The following STAP1 variants were observed in gnomAD, a reference collection of about 807,000 sequenced individuals.
The protein encoded by STAP1 is signal-transducing adaptor protein 1.
Under a neutral mutation model 37.8 loss-of-function variants are expected in STAP1, and 30 were observed. That is an observed-to-expected ratio of 0.79 (90% CI 0.59 to 1.08). The LOEUF is 1.08. STAP1 is among the 50% of genes least tolerant of loss of function. The probability of loss-of-function intolerance (pLI) is 0.00; values close to 1 mark genes in which losing one functional copy is unlikely to be tolerated. For missense variants in STAP1, 357 were observed against 349.4 expected (o/e 1.02, Z -0.17); for synonymous variants, 130 against 116.0 (o/e 1.12, Z -0.78).
intron 5 of STAP1, 50 bp from the exon 6 acceptor site, chr4:67,583,524 A>T (rs1314791934): frequency 1.3e-6 from 2 of 1,535,278 alleles, no homozygotes; most frequent in Non-Finnish European, 1.8e-6. Flanking sequence ...TCAAGTAATG[A>T]TCTTCATCAG....
intron 1 of STAP1, among the ~76,000 whole-genome samples, chr4:67,561,879 C>T (rs150514756): frequency 4.6e-5 from 7 of 151,940 alleles, no homozygotes; most frequent in African/African-American, 1.4e-4. Context: ...GGAGACCAAC[C>T]TGTTCAACAT....
intron 4 of STAP1, among the ~76,000 whole-genome samples, chr4:67,580,584 G>C (rs3775868): frequency 0.096 from 14,610 of 152,158 alleles, 1,023 homozygotes; most frequent in African/African-American, 0.19. Context: ...ATAAAGACTT[G>C]CTAGGGTCAC....
chr4:67,563,886 A>G (rs1727406831), intron 1 of STAP1, among the ~76,000 whole-genome samples: 2 of 152,076 alleles, frequency 1.3e-5, no homozygotes, highest in East Asian at 1.9e-4. Flanking sequence ...ATAAATTCAG[A>G]AGTCTTATTT....
chr4:67,559,609 A>G (rs1162352763), intron 1 of STAP1, among the ~76,000 whole-genome samples: 3 of 152,112 alleles, frequency 2.0e-5, no homozygotes, highest in Non-Finnish European at 2.9e-5. Context: ...AGTTAAAATC[A>G]TTACTTTTAA....
chr4:67,577,159 G>A, intron 3 of STAP1, 44 bp from the exon 4 acceptor site: 1 of 1,539,908 alleles, frequency 6.5e-7, no homozygotes, highest in Non-Finnish European at 8.8e-7. Flanking sequence ...AATCACTCAT[G>A]TATTTCCTTC....
chr4:67,567,796 C>T (rs1009554899), intron 1 of STAP1, among the ~76,000 whole-genome samples: 4 of 152,184 alleles, frequency 2.6e-5, no homozygotes, highest in African/African-American at 7.2e-5. Flanking sequence ...TCCCTCCCTT[C>T]CCAGTCATTC....
At chr4:67,569,910 A>C (rs1727562019) in intron 1 of STAP1, among the ~76,000 whole-genome samples, 1 of 152,032 alleles carries the variant, frequency 6.6e-6, no homozygotes, top group Admixed American at 6.6e-5. Flanking sequence ...TTGTATTTTT[A>C]GGTAGAGATG....
At chr4:67,597,952 T>C (rs1728260250) in intron 8 of STAP1, among the ~76,000 whole-genome samples, 1 of 152,188 alleles carries the variant, frequency 6.6e-6, no homozygotes, top group Non-Finnish European at 1.5e-5. Context: ...GAGGGACTGT[T>C]GGGAAGGCAT....
At position 67,581,440 on chromosome 4, in the gene STAP1, G is replaced by A; in HGVS notation, c.499G>A (p.Asp167Asn). Residue 167 changes from aspartate to asparagine, a missense_variant, in exon 5 of 9, where the codon GAT becomes AAT. Physicochemically the swap from Asp to Asn is conservative, Grantham distance 23. Coordinates refer to ENST00000265404, the MANE Select transcript of STAP1 (RefSeq NM_012108.4). Reference sequence around the variant, plus strand: ...GGAAAAAGAGAAGGAACCAACTGAAGATTATGTGGATGTACTGAACCCTAT... The same window carrying A: ...GGAAAAAGAGAAGGAACCAACTGAAAATTATGTGGATGTACTGAACCCTAT... ...SVEKEKEPTEDYVDVLNPMPA... is the reference protein window; with the variant it reads ...SVEKEKEPTENYVDVLNPMPA... 6.2e-7 allele frequency: 1 copy of A among 1,613,684 alleles called. No homozygotes were observed. The highest frequency in any genetic ancestry group is 8.5e-7 in the Non-Finnish European group (1 of 1,179,814).
Position 67,581,406 on chromosome 4 carries a change from T to A in STAP1, c.465T>A (p.Ser155Arg), listed in dbSNP as rs1309144348. ...AAAGGAGGATTGAGACAGAGCAGAG[T>A]ACGTCCGTGGAAAAAGAGAAGGAAC... ...EKKRRIETEQ[S>R]TSVEKEKEPT... is the part of the protein sequence containing the mutation. The change falls in exon 5 of 9, where the codon AGT (serine) becomes AGA (arginine). Residue 155 changes from serine (S) to arginine (R), a missense_variant. Transcript: ENST00000265404. 1.9e-6 allele frequency: 3 copies of A among 1,613,936 alleles called. No individual in the cohort carries two copies. The highest frequency in any genetic ancestry group is 3.3e-5 in the Admixed American group (2 of 60,002).
intron 8 of STAP1, among the ~76,000 whole-genome samples, chr4:67,600,456 G>A (rs1468330767): frequency 6.6e-6 from 1 of 151,878 alleles, no homozygotes; most frequent in Non-Finnish European, 1.5e-5. Flanking sequence ...TCCATGTTCT[G>A]AAGGAAAAAA....
intron 1 of STAP1, among the ~76,000 whole-genome samples, chr4:67,569,601 ATTCTT>A (rs759257276): frequency 6.6e-5 from 10 of 152,006 alleles, no homozygotes; most frequent in Non-Finnish European, 1.5e-4. Context: ...TATTTTTAAA[ATTCTT>A]TATTTTATTT....
intron 2 of STAP1, among the ~76,000 whole-genome samples, chr4:67,571,792 A>G (rs1727612023): frequency 6.6e-6 from 1 of 152,244 alleles, no homozygotes; most frequent in Non-Finnish European, 1.5e-5. Context: ...TTGATTAAAT[A>G]TAAACATTCT....
chr4:67,577,280 G>T, intron 4 of STAP1, 21 bp downstream of exon 4: 2 of 1,586,248 alleles, frequency 1.3e-6, no homozygotes, highest in African/African-American at 2.7e-5. Context: ...CACTGCTTTT[G>T]ATTGATTCTT....
chr4:67,566,672 A>T (rs1727477915), intron 1 of STAP1, among the ~76,000 whole-genome samples: 1 of 152,214 alleles, frequency 6.6e-6, no homozygotes, highest in African/African-American at 2.4e-5. Flanking sequence ...TACTGAGCAG[A>T]ATAGATTCGA....
rs772738454 is a variant in STAP1, at chr4:67,571,198, C to T, written c.192+43C>T. 4 of 1,331,356 alleles carry T rather than the reference C, an allele frequency of 3.0e-6. No individual in the cohort carries two copies. The South Asian group carries it at 3.6e-5, about 12-fold the overall frequency. The allele number at this position is 1,331,356 out of a possible 1,614,324, so 82.5% of individuals were successfully genotyped here. ...GCTGATTCCATTGTTTCCCAATATACCCTTGTCACATAGCATATTATTCAT... is the reference window on the plus strand; with the variant it reads ...GCTGATTCCATTGTTTCCCAATATATCCTTGTCACATAGCATATTATTCAT... On this transcript the variant is annotated intron_variant, in intron 2 of 8. Transcript: ENST00000265404.
intron 4 of STAP1, among the ~76,000 whole-genome samples, chr4:67,580,930 G>A (rs1334156080): frequency 6.6e-6 from 1 of 152,228 alleles, no homozygotes; most frequent in Non-Finnish European, 1.5e-5. Flanking sequence ...TTATGAGAGA[G>A]TGAGGTACCT....
chr4:67,563,312 G>T (rs947418844), intron 1 of STAP1, among the ~76,000 whole-genome samples: 2 of 152,160 alleles, frequency 1.3e-5, no homozygotes, highest in African/African-American at 4.8e-5. Flanking sequence ...AACCTTTTGA[G>T]GTATAACATA....
Position 67,574,429 on chromosome 4 carries a change from A to G in STAP1, c.193-956A>G, listed in dbSNP as rs1727674380. Among the ~76,000 whole-genome samples the G allele has an allele frequency of 2.0e-5, 3 of 152,304 alleles. No individual in the cohort carries two copies. The South Asian group carries it at 6.2e-4, about 32-fold the overall frequency. On this transcript the variant is annotated intron_variant, in intron 2 of 8. Coordinates refer to ENST00000265404, the MANE Select transcript of STAP1 (RefSeq NM_012108.4). ...ACATTAATGAGTAAAAAGAAAGTAAAATGATGTATGTCAAAACATCATGTA... is the reference window on the plus strand; with the variant it reads ...ACATTAATGAGTAAAAAGAAAGTAAGATGATGTATGTCAAAACATCATGTA...
Sources: gnomAD v4.1 joint callset for allele counts (sites outside exome capture counted in the v4.1 genomes callset) on GRCh38, gnomAD v4.1.1 for gene constraint, MANE v1.5 for transcripts, NCBI Gene and HGNC (gene_info 2026-07-23, HGNC 2026-07-21) for gene names.